Variants in SMAD1 observed in about 807,000 individuals in gnomAD.
The protein encoded by SMAD1 is MAD, mothers against decapentaplegic homolog 1.
In SMAD1, 6 loss-of-function variants were observed where a neutral mutation model predicts 41.6. The observed-to-expected ratio is 0.14, with a 90% CI of 0.08 to 0.28. The LOEUF is 0.28. SMAD1 is among the 10% of genes least tolerant of loss of function. The pLI is 1.00. For synonymous variants in SMAD1, 206 were observed against 203.2 expected (o/e 1.01, Z -0.12); for missense variants, 379 against 582.6 (o/e 0.65, Z 3.60).
At chr4:145,556,437 A>G (rs1202839047) in intron 6 of SMAD1, among the ~76,000 whole-genome samples, 1 of 151,958 alleles carries the variant, frequency 6.6e-6, no homozygotes, top group Non-Finnish European at 1.5e-5. Flanking sequence ...TCTGATGTTC[A>G]GATATATTTT....
intron 2 of SMAD1, among the ~76,000 whole-genome samples, chr4:145,516,106 C>T (rs1385595559): frequency 1.3e-5 from 2 of 152,112 alleles, no homozygotes; most frequent in East Asian, 1.9e-4. Flanking sequence ...TAAAAGATTA[C>T]GTGTAAACTG....
intron 4 of SMAD1, 47 bp downstream of exon 4, chr4:145,542,745 TC>T: frequency 7.8e-7 from 1 of 1,279,788 alleles, no homozygotes; most frequent in Non-Finnish European, 1.1e-6. Flanking sequence ...CTAAAGTTTG[TC>T]CAGATGTTAC....
chr4:145,558,896 C>T lies in SMAD1; in HGVS notation c.*962C>T, dbSNP rs1458385500. Among the ~76,000 whole-genome samples, 3 of 152,100 alleles carry T rather than the reference C, an allele frequency of 2.0e-5. No homozygotes were observed. The highest frequency in any genetic ancestry group is 2.9e-5 in the Non-Finnish European group (2 of 68,004). On this transcript the variant is annotated 3_prime_UTR_variant, in exon 7 of 7. Transcript: ENST00000302085. ...GCTTGAATTTAATAAGCAGTTTTTA[C>T]GGAGTTTACAGTACAGAAATAGGCT...
intron 3 of SMAD1, 142 bp from the exon 4 acceptor site, chr4:145,542,440 G>GT: frequency 1.9e-6 from 1 of 539,402 alleles, no homozygotes; most frequent in South Asian, 3.1e-5. Flanking sequence ...CATCAAGGCA[G>GT]TGCCTGTAGC....
chr4:145,514,609 T>A lies in SMAD1; in HGVS notation c.-5T>A, dbSNP rs752603384. 6.3e-7 allele frequency: 1 copy of A among 1,594,104 alleles called. No individual in the cohort carries two copies. The highest frequency in any genetic ancestry group is 1.2e-5 in the South Asian group (1 of 86,690). ...TATCCAAGGAGTATAACTAGTGCTGTCATTATGAATGTGACAAGTTTATTT... is the reference window on the plus strand; with the variant it reads ...TATCCAAGGAGTATAACTAGTGCTGACATTATGAATGTGACAAGTTTATTT... On this transcript the variant is annotated 5_prime_UTR_variant, in exon 2 of 7. Transcript: ENST00000302085. The surrounding 1 kb of genome is among the most constrained non-coding windows in gnomAD (Gnocchi z 4.7).
chr4:145,494,490 C>G (rs1437646965), intron 1 of SMAD1, among the ~76,000 whole-genome samples: 4 of 152,118 alleles, frequency 2.6e-5, no homozygotes, highest in Non-Finnish European at 5.9e-5. Flanking sequence ...GACTGAGTTC[C>G]TCGAGGGTAT....
At chr4:145,541,795 G>A (rs1731956304) in intron 3 of SMAD1, among the ~76,000 whole-genome samples, 1 of 152,186 alleles carries the variant, frequency 6.6e-6, no homozygotes, top group Non-Finnish European at 1.5e-5. Context: ...TATGCTAGAT[G>A]GGCTCATGAT....
In SMAD1 at chr4:145,546,691, T is replaced by A. The variant is rs747706893; in HGVS notation, c.776-12T>A. The A allele has an allele frequency of 4.4e-6, 7 of 1,600,844 alleles. No homozygotes were observed. In the South Asian group the frequency reaches 7.7e-5, roughly 18 times the overall value. On this transcript the variant is annotated splice_polypyrimidine_tract_variant and intron_variant, in intron 4 of 6. Coordinates refer to ENST00000302085, the MANE Select transcript of SMAD1 (RefSeq NM_005900.3). The stretch of plus-strand genomic sequence containing the variant: ...ACTAACCTTGGTTGATATAACATTT[T>A]CTTTCCTCTAGATGTTCAGGCGGTT...
intron 2 of SMAD1, among the ~76,000 whole-genome samples, chr4:145,533,141 C>T (rs186547724): frequency 6.0e-4 from 92 of 152,310 alleles, no homozygotes; most frequent in Non-Finnish European, 1.1e-3. Flanking sequence ...GTAGGCTTAA[C>T]CCAGCCTGAC....
rs1732943470 is a variant in SMAD1, at chr4:145,558,011, G to T, written c.*77G>T. ...AAGGATGGATGAGTCAGACACGATT[G>T]AGAACTGACAAAGGAGCCTTGATAA... On this transcript the variant is annotated 3_prime_UTR_variant, in exon 7 of 7. Transcript: ENST00000302085. 1 of 1,102,118 alleles carries T rather than the reference G, an allele frequency of 9.1e-7. No individual in the cohort carries two copies. The highest frequency in any genetic ancestry group is 2.5e-5 in the South Asian group (1 of 39,478). The allele number at this position is 1,102,118 out of a possible 1,614,324, so 68.3% of individuals were successfully genotyped here. A position where few individuals can be genotyped will look rare whatever the true frequency, so the allele number is the denominator to read the frequency against.
chr4:145,557,270 A>G (rs1021958159), intron 6 of SMAD1, among the ~76,000 whole-genome samples: 4 of 152,242 alleles, frequency 2.6e-5, no homozygotes, highest in African/African-American at 7.2e-5. Flanking sequence ...CTAGGTGTCA[A>G]TAATAGCTTT....
At chr4:145,555,538 C>T (rs1040022018) in intron 6 of SMAD1, among the ~76,000 whole-genome samples, 3 of 152,106 alleles carry the variant, frequency 2.0e-5, no homozygotes, top group African/African-American at 7.2e-5. Flanking sequence ...ATTGAAGGAC[C>T]ACTCTAAGAG....
intron 1 of SMAD1, among the ~76,000 whole-genome samples, chr4:145,489,841 A>G (rs1480324470): frequency 6.6e-6 from 1 of 152,154 alleles, no homozygotes; most frequent in Non-Finnish European, 1.5e-5. Flanking sequence ...CTTCCATTGG[A>G]GCCCACGGTT....
intron 3 of SMAD1, among the ~76,000 whole-genome samples, chr4:145,541,749 C>T (rs932883568): frequency 6.6e-6 from 1 of 152,106 alleles, no homozygotes; most frequent in Non-Finnish European, 1.5e-5. Flanking sequence ...TTCACGATTC[C>T]CTCAGGTAAA....
rs1731303801 is a variant in SMAD1 at position 145,531,243 on chromosome 4, ATG to A, written c.401-8557_401-8556del. Among the ~76,000 whole-genome samples, 2 of 152,208 alleles carry A rather than the reference ATG, an allele frequency of 1.3e-5. 1 individual carries two copies. Among genetic ancestry groups the A allele is most frequent in the South Asian group, 4.1e-4 (2 of 4,828 alleles). Reference sequence around the variant, plus strand: ...TGAGGTAAGGAATTTTATTTCATAAATGTGTATACTATTAATTTTAAGTGTTC... The same window carrying A: ...TGAGGTAAGGAATTTTATTTCATAAATGTATACTATTAATTTTAAGTGTTC... On this transcript the variant is annotated intron_variant, in intron 2 of 6. Transcript: ENST00000302085.
At chr4:145,495,999 A>G (rs1729052780) in intron 1 of SMAD1, among the ~76,000 whole-genome samples, 1 of 152,148 alleles carries the variant, frequency 6.6e-6, no homozygotes, top group African/African-American at 2.4e-5. Flanking sequence ...AACACATACA[A>G]GAGCTAATGG....
chr4:145,486,101 CTTGGCTTGTGTATT>C (rs1018832748), intron 1 of SMAD1, among the ~76,000 whole-genome samples: 2 of 152,154 alleles, frequency 1.3e-5, no homozygotes, highest in Non-Finnish European at 2.9e-5. Context: ...ATAGACATGA[CTTGGCTTGTGTATT>C]TTGTAGGTCT....
chr4:145,508,515 C>G (rs1341173583), intron 1 of SMAD1, among the ~76,000 whole-genome samples: 2 of 151,798 alleles, frequency 1.3e-5, no homozygotes, highest in Admixed American at 1.3e-4. Context: ...TAAGATTAAA[C>G]TGGTTAATAG....
chr4:145,518,484 C>T (rs1266966292), intron 2 of SMAD1, among the ~76,000 whole-genome samples: 1 of 103,996 alleles, frequency 9.6e-6, no homozygotes, highest in Non-Finnish European at 2.2e-5. Flanking sequence ...AGTGAAACTC[C>T]ATCTCAAAAA....
Sources: gnomAD v4.1 joint callset for allele counts (sites outside exome capture counted in the v4.1 genomes callset) on GRCh38, gnomAD v4.1.1 for gene constraint, Gnocchi (gnomAD v3.1) non-coding constraint, MANE v1.5 for transcripts, NCBI Gene and HGNC (gene_info 2026-07-23, HGNC 2026-07-21) for gene names.